CFTR: variants seen among roughly 807,000 people sequenced by gnomAD.
CFTR encodes the protein CF transmembrane conductance regulator.
Under a neutral mutation model 171.6 loss-of-function variants are expected in CFTR, and 181 were observed. The ratio of observed to expected loss-of-function variants is 1.05; its 90% confidence interval spans 0.93 to 1.19. The LOEUF (loss-of-function observed/expected upper bound fraction) is 1.19. Ranked by LOEUF, CFTR falls within the 50% of genes most tolerant of loss-of-function variation. CFTR has a pLI of 0.00. For synonymous variants in CFTR, 583 were observed against 608.0 expected, an observed-to-expected ratio of 0.96 and a Z score of 0.60; for missense variants, 1,968 against 1,734.7, an observed-to-expected ratio of 1.13 and a Z score of -2.39.
intron 21 of CFTR, among the ~76,000 whole-genome samples, chr7:117,619,143 T>C (rs1429562): frequency 0.03 from 4,640 of 152,346 alleles, 89 homozygotes; most frequent in Admixed American, 0.047. Context: ...AAAGCAATTA[T>C]CTTACATCTT....
At chr7:117,653,394 C>T (rs1468429522) in intron 24 of CFTR, among the ~76,000 whole-genome samples, 3 of 152,110 alleles carry the variant, frequency 2.0e-5, no homozygotes, top group Non-Finnish European at 4.4e-5. Context: ...ATCAAGGTGC[C>T]AGCAGGTTTG....
intron 3 of CFTR, among the ~76,000 whole-genome samples, chr7:117,519,000 CT>C (rs1727470555): frequency 6.6e-6 from 1 of 152,012 alleles, no homozygotes; most frequent in Non-Finnish European, 1.5e-5. Context: ...AATCCAGGGG[CT>C]TTTTCTTATA....
intron 21 of CFTR, among the ~76,000 whole-genome samples, chr7:117,623,390 TG>T (rs1376638221): frequency 6.6e-6 from 1 of 152,206 alleles, no homozygotes; most frequent in African/African-American, 2.4e-5. Context: ...AGCAGCAGGC[TG>T]GGGTTAAGGA....
intron 16 of CFTR, among the ~76,000 whole-genome samples, chr7:117,603,181 A>G (rs886195058): frequency 6.6e-6 from 1 of 152,170 alleles, no homozygotes. Context: ...TATCTAAAAT[A>G]AAATAAAATA....
intron 15 of CFTR, among the ~76,000 whole-genome samples, chr7:117,601,606 T>TC (rs1339120612): frequency 2.0e-5 from 3 of 152,184 alleles, no homozygotes; most frequent in Admixed American, 6.5e-5. Flanking sequence ...CATATTTGTT[T>TC]CTCTCCTATT....
In CFTR at chr7:117,581,633, A is replaced by G. The variant is rs573796440; in HGVS notation, c.1585-6106A>G. 1.2e-4 allele frequency among the ~76,000 whole-genome samples: 18 copies of G among 152,338 alleles called. No individual in the cohort carries two copies. In the East Asian group the frequency reaches 2.7e-3, roughly 23 times the overall value. ...ATAGATGGACAAGTTAGGGCCAGAA[A>G]AGACTTCCTCAAAGCTGTTAGTCCA... is the stretch of plus-strand genomic sequence containing the variant. On this transcript the variant is annotated intron_variant, in intron 11 of 26. Coordinates refer to ENST00000003084, the MANE Select transcript of CFTR (RefSeq NM_000492.4).
intron 23 of CFTR, among the ~76,000 whole-genome samples, chr7:117,645,475 G>A (rs940907598): frequency 6.6e-6 from 1 of 152,166 alleles, no homozygotes; most frequent in Non-Finnish European, 1.5e-5. Flanking sequence ...TTCAAGGCAT[G>A]GGCCAGTTAG....
At chr7:117,662,649 A>T (rs890930106) in intron 24 of CFTR, among the ~76,000 whole-genome samples, 1 of 152,174 alleles carries the variant, frequency 6.6e-6, no homozygotes, top group Non-Finnish European at 1.5e-5. Context: ...GGTCAAACCT[A>T]CATCTTAGGA....
intron 11 of CFTR, among the ~76,000 whole-genome samples, chr7:117,586,868 G>A (rs1419001448): frequency 1.3e-5 from 2 of 151,952 alleles, no homozygotes; most frequent in Non-Finnish European, 2.9e-5. Context: ...AGCCTCTAGG[G>A]TATTCTATCT....
chr7:117,558,489 A>G (rs1404107682), intron 10 of CFTR, among the ~76,000 whole-genome samples: 1 of 151,742 alleles, frequency 6.6e-6, no homozygotes, highest in Non-Finnish European at 1.5e-5. Context: ...AGGAGGCAGA[A>G]CTTGCAGTGA....
intron 22 of CFTR, among the ~76,000 whole-genome samples, chr7:117,635,864 G>GA (rs1421152917): frequency 1.3e-5 from 2 of 151,920 alleles, no homozygotes; most frequent in African/African-American, 4.8e-5. Context: ...AAATTATTTT[G>GA]AAAAAACTGT....
intron 15 of CFTR, among the ~76,000 whole-genome samples, chr7:117,596,160 G>A (rs998991031): frequency 1.3e-5 from 1 of 79,254 alleles, no homozygotes; most frequent in Non-Finnish European, 2.4e-5. Context: ...GAGAGGCGCT[G>A]GGGGAACTGG....
intron 20 of CFTR, among the ~76,000 whole-genome samples, chr7:117,613,999 C>CTTTTTTTTTTT (rs752774658): frequency 4.1e-5 from 3 of 72,474 alleles, no homozygotes; most frequent in African/African-American, 5.2e-5. Context: ...GTACAGTAAT[C>CTTTTTTTTTTT]TTTTTTTTTT....
intron 3 of CFTR, among the ~76,000 whole-genome samples, chr7:117,512,633 CAAAAAAAA>C (rs5886861): frequency 1.5e-5 from 1 of 68,890 alleles, no homozygotes; most frequent in African/African-American, 5.6e-5. Context: ...GACTCCATCT[CAAAAAAAA>C]AAAAAAAAAA....
At chr7:117,553,359 C>T (rs1799302210) in intron 10 of CFTR, among the ~76,000 whole-genome samples, 1 of 152,082 alleles carries the variant, frequency 6.6e-6, no homozygotes, top group Non-Finnish European at 1.5e-5. Flanking sequence ...TTTGTTAACA[C>T]AAAGAACAAC....
chr7:117,552,480 C>G (rs1799288684), intron 10 of CFTR, among the ~76,000 whole-genome samples: 1 of 151,864 alleles, frequency 6.6e-6, no homozygotes, highest in South Asian at 2.1e-4. Context: ...AAACAAACAT[C>G]AAAAAGATAT....
intron 8 of CFTR, among the ~76,000 whole-genome samples, chr7:117,541,711 G>T (rs1799055472): frequency 6.6e-6 from 1 of 152,092 alleles, no homozygotes; most frequent in African/African-American, 2.4e-5. Flanking sequence ...GGGTTGCTTT[G>T]TAAATTCATC....
chr7:117,541,064 C>T (rs1341899697), intron 8 of CFTR, among the ~76,000 whole-genome samples: 8 of 152,146 alleles, frequency 5.3e-5, no homozygotes, highest in Admixed American at 5.2e-4. Flanking sequence ...GAGCACCTGC[C>T]CTCTCCTGTT....
At chr7:117,510,996 A>G (rs2116644365) in intron 3 of CFTR, among the ~76,000 whole-genome samples, 1 of 152,268 alleles carries the variant, frequency 6.6e-6, no homozygotes, top group East Asian at 1.9e-4. Context: ...CAGTCTCTTT[A>G]GCTCCAAAGC....
Sources: gnomAD v4.1 joint callset for allele counts (sites outside exome capture counted in the v4.1 genomes callset) on GRCh38, gnomAD v4.1.1 for gene constraint, MANE v1.5 for transcripts, NCBI Gene and HGNC (gene_info 2026-07-23, HGNC 2026-07-21) for gene names.